Variants in CTNS observed in about 807,000 individuals in gnomAD.
CTNS encodes the protein cystinosin.
CTNS carries 27 observed loss-of-function variants against 43.7 expected under a neutral mutation model. The ratio of observed to expected loss-of-function variants is 0.62; its 90% confidence interval spans 0.46 to 0.85. The LOEUF (loss-of-function observed/expected upper bound fraction) is 0.85. Ranked by LOEUF, CTNS falls within the 40% of genes least tolerant of loss-of-function variation. CTNS has a pLI of 0.00. For missense variants in CTNS, 457 were observed against 475.4 expected, an observed-to-expected ratio of 0.96 and a Z score of 0.36; for synonymous variants, 187 against 190.6, an observed-to-expected ratio of 0.98 and a Z score of 0.16.
At chr17:3,645,319 C>T (rs1169597633) in intron 3 of CTNS, among the ~76,000 whole-genome samples, 1 of 152,168 alleles carries the variant, frequency 6.6e-6, no homozygotes, top group African/African-American at 2.4e-5. Flanking sequence ...AGCCAGCCAG[C>T]AGGGGACTGG....
In CTNS at chr17:3,660,679, A is replaced by T; in HGVS notation, c.*310A>T. 1 of 1,613,524 alleles carries T rather than the reference A, an allele frequency of 6.2e-7. No homozygotes were observed. The highest frequency in any genetic ancestry group is 2.2e-5 in the East Asian group (1 of 44,880). ...AGGCAGGACTGGGCACCAAGCTTGC[A>T]GCCGAAGGCCTTGCCCCAAACTACC... On this transcript the variant is annotated 3_prime_UTR_variant, in exon 12 of 12. Transcript: ENST00000046640.
At chr17:3,641,392 T>A (rs1356215312) in intron 3 of CTNS, among the ~76,000 whole-genome samples, 108 of 68,366 alleles carry the variant, frequency 1.6e-3, no homozygotes, top group South Asian at 0.014. Context: ...ATATTTTTTT[T>A]TTTTTTTTTT....
At position 3,660,698 on chromosome 17, in the gene CTNS, A is replaced by G. The variant is rs112689752; in HGVS notation, c.*329A>G. On this transcript the variant is annotated 3_prime_UTR_variant, in exon 12 of 12. Coordinates refer to ENST00000046640, the MANE Select transcript of CTNS (RefSeq NM_004937.3). ...GCTTGCAGCCGAAGGCCTTGCCCCAAACTACCAGCGTTTCTGCAAGCAGCT... is the reference window on the plus strand; with the variant it reads ...GCTTGCAGCCGAAGGCCTTGCCCCAGACTACCAGCGTTTCTGCAAGCAGCT... The G allele has an allele frequency of 4.6e-4, 741 of 1,613,528 alleles. 2 individuals carry two copies. The African/African-American group carries it at 7.4e-3, about 16-fold the overall frequency.
chr17:3,650,905 C>T (rs1252370100), intron 5 of CTNS, among the ~76,000 whole-genome samples: 3 of 152,138 alleles, frequency 2.0e-5, no homozygotes, highest in Non-Finnish European at 2.9e-5. Flanking sequence ...TGGGTTCAAG[C>T]GATTCTCCTG....
intron 3 of CTNS, among the ~76,000 whole-genome samples, chr17:3,642,008 T>C (rs529253): frequency 0.48 from 72,645 of 150,164 alleles, 18,518 homozygotes; most frequent in Non-Finnish European, 0.56. Context: ...TGCGTGTGCC[T>C]GGGAGTGTGC....
chr17:3,653,060 G>A (rs2076024816), intron 5 of CTNS, among the ~76,000 whole-genome samples: 1 of 152,200 alleles, frequency 6.6e-6, no homozygotes, highest in Non-Finnish European at 1.5e-5. Flanking sequence ...AGGAGTTGGA[G>A]TGATCAGTGA....
intron 3 of CTNS, among the ~76,000 whole-genome samples, chr17:3,645,973 C>T (rs1247733035): frequency 1.9e-5 from 2 of 105,278 alleles, no homozygotes; most frequent in Non-Finnish European, 4.4e-5. Flanking sequence ...GGGAACTGGG[C>T]CTGGGGGGTC....
Position 3,660,390 on chromosome 17 carries a change from C to T in CTNS, c.*21C>T, listed in dbSNP as rs758741172. Reference sequence around the variant, plus strand: ...ACTAGCACCCAGGGACCCAGTGTACCCAGCCTCTGGCCTCGTGCCCTGCTG... The same window carrying T: ...ACTAGCACCCAGGGACCCAGTGTACTCAGCCTCTGGCCTCGTGCCCTGCTG... On this transcript the variant is annotated 3_prime_UTR_variant, in exon 12 of 12. Transcript: ENST00000046640. 2 of 1,614,150 alleles carry T rather than the reference C, an allele frequency of 1.2e-6. No individual in the cohort carries two copies. Among genetic ancestry groups the T allele is most frequent in the South Asian group, 2.2e-5 (2 of 91,082 alleles).
At chr17:3,658,626 CCA>C (rs1164365638) in intron 10 of CTNS, among the ~76,000 whole-genome samples, 1 of 152,232 alleles carries the variant, frequency 6.6e-6, no homozygotes, top group African/African-American at 2.4e-5. Flanking sequence ...ACATCTTGCC[CCA>C]CAGCCTGGGA....
chr17:3,651,509 C>A (rs973667658), intron 5 of CTNS, among the ~76,000 whole-genome samples: 1 of 152,190 alleles, frequency 6.6e-6, no homozygotes, highest in Non-Finnish European at 1.5e-5. Context: ...GTAGCAGTGA[C>A]CCTCGGGGCC....
At position 3,662,121 on chromosome 17, in the gene CTNS, G is replaced by C. The variant is rs2076286243; in HGVS notation, c.*1752G>C. On this transcript the variant is annotated 3_prime_UTR_variant, in exon 12 of 12. Transcript: ENST00000046640. ...ACATCAGGAGTTCGAGACCAGCCTA[G>C]CCAACATTGCAAAACCCCATCTCTA... 1.3e-5 allele frequency among the ~76,000 whole-genome samples: 2 copies of C among 152,126 alleles called. No individual in the cohort carries two copies. Among genetic ancestry groups the C allele is most frequent in the Non-Finnish European group, 2.9e-5 (2 of 68,020 alleles).
chr17:3,640,255 G>A lies in CTNS; in HGVS notation c.49G>A (p.Val17Ile), dbSNP rs747647287. 6 of 1,613,898 alleles carry A rather than the reference G, an allele frequency of 3.7e-6. No homozygotes were observed. The highest frequency in any genetic ancestry group is 2.7e-5 in the African/African-American group (2 of 74,942). The change falls in exon 3 of 12, where the codon GTA becomes ATA. Residue 17 changes from valine to isoleucine, a missense_variant. Transcript: ENST00000046640. Reference sequence around the variant, plus strand: ...TTTTATCCTTTTTCCCCTGAAGCTCGTAGAGAAATGTGGTAAGTTTAGAAA... The same window carrying A: ...TTTTATCCTTTTTCCCCTGAAGCTCATAGAGAAATGTGGTAAGTTTAGAAA... ...TIFILFPLKL[V>I]EKCESSVSLT...
At chr17:3,646,755 A>T (rs1003589305) in intron 3 of CTNS, among the ~76,000 whole-genome samples, 5 of 147,852 alleles carry the variant, frequency 3.4e-5, no homozygotes, top group Middle Eastern at 3.2e-3. Context: ...GTTTTCTAAG[A>T]CCCTAAGACC....
intron 5 of CTNS, among the ~76,000 whole-genome samples, chr17:3,652,763 G>A (rs1189790462): frequency 6.6e-6 from 1 of 152,132 alleles, no homozygotes; most frequent in Non-Finnish European, 1.5e-5. Context: ...ACGTTGCAAG[G>A]AATATCTGTT....
chr17:3,655,099 C>T lies in CTNS; in HGVS notation c.327C>T (p.Thr109=), dbSNP rs150554216. The T allele has an allele frequency of 2.3e-4, 379 of 1,613,800 alleles. 1 individual carries two copies. The African/African-American group carries it at 4.3e-3, about 18-fold the overall frequency. ...VYLHGNHSNQ[T]GPRIRFLVIR... ...TACATGGAAATCACTCCAATCAGAC[C>T]GGGTAGGCTGGCCTCAGGGTGTGCG... is the stretch of plus-strand genomic sequence containing the variant. Residue 109 remains threonine (T), a splice_region_variant and synonymous_variant, in exon 6 of 12, where the codon ACC becomes ACT. Coordinates refer to ENST00000046640, the MANE Select transcript of CTNS (RefSeq NM_004937.3).
chr17:3,651,049 C>T (rs749250846), intron 5 of CTNS, among the ~76,000 whole-genome samples: 4 of 151,574 alleles, frequency 2.6e-5, no homozygotes, highest in African/African-American at 4.9e-5. Context: ...GTGATCCACC[C>T]GCCACGGCCT....
At position 3,655,026 on chromosome 17, in the gene CTNS, CCT is replaced by C. The variant is rs879255614; in HGVS notation, c.257_258del (p.Ser86PhefsTer38). 2 of 1,613,998 alleles carry C rather than the reference CCT, an allele frequency of 1.2e-6. No homozygotes were observed. The highest frequency in any genetic ancestry group is 2.2e-5 in the East Asian group (1 of 44,880). On this transcript the variant is annotated frameshift_variant, in exon 6 of 12. Coordinates refer to ENST00000046640, the MANE Select transcript of CTNS (RefSeq NM_004937.3). LOFTEE classifies it high-confidence loss of function. ...GTGGTGCCTCCTGGAGTGACAAACTCCTCTTTTCAAGTGACATCTCAAAATGT... is the reference window on the plus strand; with the variant it reads ...GTGGTGCCTCCTGGAGTGACAAACTCCTTTTCAAGTGACATCTCAAAATGT...
intron 5 of CTNS, among the ~76,000 whole-genome samples, chr17:3,652,835 G>T (rs1271884502): frequency 6.6e-6 from 1 of 152,178 alleles, no homozygotes; most frequent in Non-Finnish European, 1.5e-5. Context: ...ATGTTATGAA[G>T]ATGTACCTTG....
In CTNS at chr17:3,659,865, T is replaced by C. The variant is rs760798633; in HGVS notation, c.860T>C (p.Met287Thr). 3 of 1,613,644 alleles carry C rather than the reference T, an allele frequency of 1.9e-6. No homozygotes were observed. Among genetic ancestry groups the C allele is most frequent in the Admixed American group, 1.7e-5 (1 of 60,030 alleles). ...TCCGTCTGTCTGGCCCAGGCCTACA[T>C]GAACTTTTACTACAAAAGCACTGAG... ...TLVKYFPQAY[M>T]NFYYKSTEGW... The change falls in exon 11 of 12, where the codon ATG becomes ACG. Residue 287 changes from methionine to threonine, a missense_variant. Met to Thr is a moderately conservative substitution (Grantham distance 81, BLOSUM62 -1). Transcript: ENST00000046640.
Sources: gnomAD v4.1 joint callset for allele counts (sites outside exome capture counted in the v4.1 genomes callset) on GRCh38, gnomAD v4.1.1 for gene constraint, MANE v1.5 for transcripts, NCBI Gene and HGNC (gene_info 2026-07-23, HGNC 2026-07-21) for gene names.